PGM2L1: variants seen among roughly 807,000 people sequenced by gnomAD.
The protein encoded by PGM2L1 is glucose 1,6-bisphosphate synthase.
In PGM2L1, 35 loss-of-function variants were observed where a neutral mutation model predicts 73.4. The ratio of observed to expected loss-of-function variants is 0.48; its 90% CI spans 0.36 to 0.63. PGM2L1 has a LOEUF of 0.63. PGM2L1 is among the 30% of genes least tolerant of loss of function. The probability of loss-of-function intolerance (pLI) is 0.00; values close to 1 mark genes in which losing one functional copy is unlikely to be tolerated. For synonymous variants in PGM2L1, 225 were observed against 253.8 expected, an observed-to-expected ratio of 0.89 and a Z score of 1.08; for missense variants, 570 against 742.0, an observed-to-expected ratio of 0.77 and a Z score of 2.69.
chr11:74,341,784 G>A (rs1047296492), intron 12 of PGM2L1, among the ~76,000 whole-genome samples: 10 of 151,682 alleles, frequency 6.6e-5, no homozygotes, highest in African/African-American at 2.4e-4. Context: ...GTAGTACCAT[G>A]GATTGCTGGC....
rs776784181 is a variant in PGM2L1, at chr11:74,342,989, C to T, written c.1338G>A (p.Leu446=). 10 of 1,605,710 alleles carry T rather than the reference C, an allele frequency of 6.2e-6. No homozygotes were observed. In the African/African-American group the frequency reaches 1.3e-4, roughly 22 times the overall value. Reference sequence around the variant, plus strand: ...CAGCTGCACTCACCCCATCTTTATCCAAAACTGAAGTTCCACAGAGAAAAC... The same window carrying T: ...CAGCTGCACTCACCCCATCTTTATCTAAAACTGAAGTTCCACAGAGAAAAC... ...SIGFLCGTSV[L]DKDGVSAAVV... The change falls in exon 11 of 14, where the codon TTG becomes TTA. Residue 446 remains leucine (L), a synonymous_variant. Transcript: ENST00000298198.
At chr11:74,397,962 C>T (rs543240462) in intron 1 of PGM2L1, 89 bp downstream of exon 1, 7 of 1,434,510 alleles carry the variant, frequency 4.9e-6, no homozygotes, top group Non-Finnish European at 5.5e-6. Context: ...GCCATCTCCT[C>T]TGCAGCCCGC....
At chr11:74,393,398 T>C (rs1284264826) in intron 1 of PGM2L1, among the ~76,000 whole-genome samples, 3 of 152,212 alleles carry the variant, frequency 2.0e-5, no homozygotes, top group Non-Finnish European at 4.4e-5. Flanking sequence ...ACCACCTTTG[T>C]ACAGGTATGT....
rs149575890 is a variant in PGM2L1, at chr11:74,356,624, T to C, written c.556-5048A>G. Among the ~76,000 whole-genome samples the C allele has an allele frequency of 4.2e-3, 633 of 152,244 alleles. 1 individual carries two copies. Among genetic ancestry groups the C allele is most frequent in the Non-Finnish European group, 6.5e-3 (441 of 68,018 alleles). ...AAATGGGAAAAATACCATAATATCA[T>C]GCATGGAAAAATATCATAAATAAAG... On this transcript the variant is annotated intron_variant, in intron 5 of 13. Coordinates refer to ENST00000298198, the MANE Select transcript of PGM2L1 (RefSeq NM_173582.6).
At chr11:74,375,020 C>T (rs557323568) in intron 1 of PGM2L1, among the ~76,000 whole-genome samples, 14 of 152,228 alleles carry the variant, frequency 9.2e-5, no homozygotes, top group Non-Finnish European at 1.9e-4. Context: ...GCCACTACAC[C>T]TGGCTAATAC....
intron 5 of PGM2L1, among the ~76,000 whole-genome samples, chr11:74,352,683 T>G (rs979946372): frequency 6.6e-6 from 1 of 152,174 alleles, no homozygotes; most frequent in Non-Finnish European, 1.5e-5. Flanking sequence ...AAACCTGTTC[T>G]CTATAAACAC....
intron 13 of PGM2L1, among the ~76,000 whole-genome samples, chr11:74,337,161 G>T (rs1174485099): frequency 6.6e-6 from 1 of 152,192 alleles, no homozygotes; most frequent in Non-Finnish European, 1.5e-5. Context: ...GCAGAAGGAG[G>T]TGTGACTAAA....
chr11:74,369,693 T>A (rs998858303), intron 4 of PGM2L1, among the ~76,000 whole-genome samples: 1 of 152,242 alleles, frequency 6.6e-6, no homozygotes, highest in African/African-American at 2.4e-5. Context: ...GCTTGTAATA[T>A]AAATAAATTA....
chr11:74,390,201 C>A (rs1455308249), intron 1 of PGM2L1, among the ~76,000 whole-genome samples: 1 of 150,916 alleles, frequency 6.6e-6, no homozygotes, highest in Non-Finnish European at 1.5e-5. Flanking sequence ...AAGAAGTCCC[C>A]CAAATAACAA....
intron 6 of PGM2L1, among the ~76,000 whole-genome samples, chr11:74,348,246 T>G (rs900926104): frequency 6.6e-6 from 1 of 152,212 alleles, no homozygotes; most frequent in African/African-American, 2.4e-5. Flanking sequence ...TCTGTTTCTT[T>G]GGTCTTTTCC....
chr11:74,331,014 A>T lies in PGM2L1; in HGVS notation c.*5638T>A, dbSNP rs934707081. 2.6e-5 allele frequency: 4 copies of T among 152,188 alleles called. No homozygotes were observed. The highest frequency in any genetic ancestry group is 7.2e-5 in the African/African-American group (3 of 41,434). 9.4% of individuals were successfully genotyped at this position (152,188 alleles called of 1,614,324 possible). ...GTTCCTTAAACTATTTGCTACTTTTAAAAAATCCCTTAATTCCTAGTATCA... is the reference window on the plus strand; with the variant it reads ...GTTCCTTAAACTATTTGCTACTTTTTAAAAATCCCTTAATTCCTAGTATCA... On this transcript the variant is annotated 3_prime_UTR_variant, in exon 14 of 14. Transcript: ENST00000298198.
chr11:74,387,437 C>T (rs10898984), intron 1 of PGM2L1, among the ~76,000 whole-genome samples: 31,222 of 152,034 alleles, frequency 0.21, 3,546 homozygotes, highest in East Asian at 0.3. Flanking sequence ...CTAGTAAGTA[C>T]CATGTCTGGT....
At chr11:74,363,530 A>T (rs185729524) in intron 5 of PGM2L1, among the ~76,000 whole-genome samples, 2 of 152,208 alleles carry the variant, frequency 1.3e-5, no homozygotes, top group Non-Finnish European at 2.9e-5. Context: ...AAAAAATGAT[A>T]AAGGGGATAT....
At chr11:74,388,792 C>T (rs1471064497) in intron 1 of PGM2L1, among the ~76,000 whole-genome samples, 1 of 152,188 alleles carries the variant, frequency 6.6e-6, no homozygotes, top group African/African-American at 2.4e-5. Context: ...CACTATCTCA[C>T]TGCCTTCCTG....
rs1862249462 is a variant in PGM2L1, at chr11:74,345,593, A to C, written c.1094T>G (p.Met365Arg). Residue 365 changes from methionine (M) to arginine (R), a missense_variant, in exon 9 of 14, where the codon ATG (methionine) becomes AGG (arginine). Met to Arg is a moderately conservative substitution (Grantham distance 91). Coordinates refer to ENST00000298198, the MANE Select transcript of PGM2L1 (RefSeq NM_173582.6). ...TTTATTTTTCTTCCAGCAATCAAAC[A>C]TCCACCATCCAAACAAAGCTGCCAA... ...NELAALFGWW[M>R]FDCWKKNKSR... 1 of 1,613,882 alleles carries C rather than the reference A, an allele frequency of 6.2e-7. No homozygotes were observed.
chr11:74,383,162 T>C (rs1467970879), intron 1 of PGM2L1, among the ~76,000 whole-genome samples: 1 of 152,126 alleles, frequency 6.6e-6, no homozygotes, highest in Non-Finnish European at 1.5e-5. Flanking sequence ...AAGCCACATG[T>C]TAATAGAAAA....
chr11:74,355,332 T>G, intron 5 of PGM2L1: 1 of 721,032 alleles, frequency 1.4e-6, no homozygotes, highest in Non-Finnish European at 2.5e-6. Context: ...GGTGGGTGGA[T>G]CACCTGAGGT....
rs1020271148 is a variant in PGM2L1, at chr11:74,351,711, T to C, written c.556-135A>G. ...GGCACGGTGGCTCACGCCTGTAATC[T>C]CAGCACTTTGGGAGGCTGAGGCGGG... On this transcript the variant is annotated intron_variant, in intron 5 of 13. Coordinates refer to ENST00000298198, the MANE Select transcript of PGM2L1 (RefSeq NM_173582.6). 3.9e-5 allele frequency: 28 copies of C among 714,798 alleles called. No individual in the cohort carries two copies. In the South Asian group the frequency reaches 4.4e-4, roughly 11 times the overall value. 44.3% of individuals were successfully genotyped at this position (714,798 alleles called of 1,614,324 possible). A position where few individuals can be genotyped will look rare whatever the true frequency, so the allele number is the denominator to read the frequency against.
chr11:74,373,698 C>A (rs1240864103), intron 2 of PGM2L1, among the ~76,000 whole-genome samples: 1 of 152,278 alleles, frequency 6.6e-6, no homozygotes, highest in African/African-American at 2.4e-5. Context: ...AAAATATTTT[C>A]AACTAAATTT....
Sources: gnomAD v4.1 joint callset for allele counts (sites outside exome capture counted in the v4.1 genomes callset) on GRCh38, gnomAD v4.1.1 for gene constraint, MANE v1.5 for transcripts, NCBI Gene and HGNC (gene_info 2026-07-23, HGNC 2026-07-21) for gene names.